Variants in INSYN2B observed in about 807,000 individuals in gnomAD.
The protein encoded by INSYN2B is inhibitory synaptic factor family member 2B, also known as protein INSYN2B.
A neutral mutation model predicts 41.2 loss-of-function variants in INSYN2B; 16 were observed. That is an observed-to-expected ratio of 0.39 (90% CI 0.26 to 0.59). The LOEUF is 0.59. Among genes scored for constraint, INSYN2B ranks in the 20% least tolerant of loss-of-function variants. The pLI is 0.57. For synonymous variants in INSYN2B, 245 were observed against 244.4 expected (o/e 1.00, Z -0.02); for missense variants, 608 against 646.4 (o/e 0.94, Z 0.64).
chr5:169,914,487 T>C (rs1774770820), intron 1 of INSYN2B, among the ~76,000 whole-genome samples: 1 of 152,210 alleles, frequency 6.6e-6, no homozygotes, highest in Admixed American at 6.5e-5. Context: ...GGATTGATTA[T>C]TGGAGAACTC....
Position 169,881,443 on chromosome 5 carries a change from C to G in INSYN2B, c.1347-1G>C. 1 of 1,551,362 alleles carries G rather than the reference C, an allele frequency of 6.4e-7. No homozygotes were observed. Among genetic ancestry groups the G allele is most frequent in the Non-Finnish European group, 8.7e-7 (1 of 1,146,756 alleles). ...TTGGCCAGTTCGATAAAAGTTGCGC[C>G]TGCAAGACAGAGCATTTGCTGGATA... is the stretch of plus-strand genomic sequence containing the variant. On this transcript the variant is annotated splice_acceptor_variant, in intron 2 of 3. Transcript: ENST00000377365. LOFTEE classifies it high-confidence loss of function.
chr5:169,893,629 T>G (rs1773423186), intron 1 of INSYN2B, among the ~76,000 whole-genome samples: 1 of 152,176 alleles, frequency 6.6e-6, no homozygotes, highest in South Asian at 2.1e-4. Flanking sequence ...GCTCTGTGTG[T>G]CAGATGGAAG....
At chr5:169,924,783 A>G (rs146578770) in intron 1 of INSYN2B, among the ~76,000 whole-genome samples, 2,333 of 152,190 alleles carry the variant, frequency 0.015, 56 homozygotes, top group African/African-American at 0.053. Context: ...TTTTTCATCA[A>G]TCTGAAGTAT....
intron 1 of INSYN2B, among the ~76,000 whole-genome samples, chr5:169,920,243 T>C (rs1775099777): frequency 6.6e-6 from 1 of 152,134 alleles, no homozygotes; most frequent in Admixed American, 6.5e-5. Context: ...ACCATAATAA[T>C]GATTATGCAG....
Position 169,864,472 on chromosome 5 carries a change from G to T in INSYN2B, c.1422-13C>A. ...ATCATACTCTACACTGAAAAACACA[G>T]AGAGGAAGGAAGGAAAGTGAATTCG... On this transcript the variant is annotated splice_polypyrimidine_tract_variant and intron_variant, in intron 3 of 3. Coordinates refer to ENST00000377365, the MANE Select transcript of INSYN2B (RefSeq NM_001129891.3). The T allele has an allele frequency of 1.3e-6, 2 of 1,510,218 alleles. No individual in the cohort carries two copies. Among genetic ancestry groups the T allele is most frequent in the Middle Eastern group, 1.7e-4 (1 of 5,760 alleles). 93.6% of individuals were successfully genotyped at this position (1,510,218 alleles called of 1,614,324 possible). A position where few individuals can be genotyped will look rare whatever the true frequency, so the allele number is the denominator to read the frequency against.
At chr5:169,910,230 C>G (rs1774517652) in intron 1 of INSYN2B, among the ~76,000 whole-genome samples, 1 of 152,132 alleles carries the variant, frequency 6.6e-6, no homozygotes, top group South Asian at 2.1e-4. Flanking sequence ...ATCAGACAGG[C>G]CTTTCATGTT....
At chr5:169,948,674 T>C (rs1776542086) in intron 1 of INSYN2B, among the ~76,000 whole-genome samples, 2 of 151,024 alleles carry the variant, frequency 1.3e-5, no homozygotes, top group Non-Finnish European at 3.0e-5. Context: ...AGTGCAGTGG[T>C]GTGATTATGG....
At chr5:169,932,354 T>G (rs1268213547) in intron 1 of INSYN2B, among the ~76,000 whole-genome samples, 2 of 152,034 alleles carry the variant, frequency 1.3e-5, no homozygotes, top group East Asian at 3.9e-4. Flanking sequence ...CTATACCCGC[T>G]GCAGAGTAGT....
At chr5:169,964,418 T>G in intron 1 of INSYN2B, among the ~76,000 whole-genome samples, 1 of 152,140 alleles carries the variant, frequency 6.6e-6, no homozygotes, top group South Asian at 2.1e-4. Flanking sequence ...GCAAGTAAAA[T>G]GTTCAAGCAG....
intron 1 of INSYN2B, among the ~76,000 whole-genome samples, chr5:169,979,425 A>G (rs1777860224): frequency 6.6e-6 from 1 of 152,246 alleles, no homozygotes; most frequent in Non-Finnish European, 1.5e-5. Flanking sequence ...AGAGACACAC[A>G]TCAGAGAAGC....
At chr5:169,920,600 G>A (rs1050425978) in intron 1 of INSYN2B, among the ~76,000 whole-genome samples, 23 of 152,208 alleles carry the variant, frequency 1.5e-4, no homozygotes, top group African/African-American at 5.3e-4. Context: ...AAGAGGGCAT[G>A]GCTGTAACTC....
intron 1 of INSYN2B, among the ~76,000 whole-genome samples, chr5:169,940,530 T>C (rs560704523): frequency 6.6e-6 from 1 of 152,306 alleles, no homozygotes; most frequent in Admixed American, 6.5e-5. Flanking sequence ...CTCACCTTAA[T>C]GTAGAATCAA....
intron 1 of INSYN2B, among the ~76,000 whole-genome samples, chr5:169,909,654 A>C (rs1774484875): frequency 1.3e-5 from 2 of 152,234 alleles, no homozygotes; most frequent in African/African-American, 4.8e-5. Context: ...ATTCAAACTC[A>C]AATCTGCCCT....
chr5:169,908,781 G>A (rs1426021784), intron 1 of INSYN2B, among the ~76,000 whole-genome samples: 1 of 137,786 alleles, frequency 7.3e-6, no homozygotes, highest in East Asian at 2.1e-4. Context: ...GTGGTGTGAT[G>A]TCAGCTCACT....
At chr5:169,922,509 A>C (rs1453564476) in intron 1 of INSYN2B, among the ~76,000 whole-genome samples, 1 of 152,230 alleles carries the variant, frequency 6.6e-6, no homozygotes, top group African/African-American at 2.4e-5. Context: ...ATCTAAGTAA[A>C]GTAGATCTTG....
chr5:169,867,391 C>T (rs1024874958), intron 3 of INSYN2B, among the ~76,000 whole-genome samples: 3 of 151,832 alleles, frequency 2.0e-5, no homozygotes, highest in African/African-American at 7.3e-5. Context: ...GAGCCAGGAA[C>T]CATGGGTGAA....
chr5:169,973,752 A>G (rs980528848), intron 1 of INSYN2B, among the ~76,000 whole-genome samples: 2 of 152,222 alleles, frequency 1.3e-5, no homozygotes, highest in Non-Finnish European at 1.5e-5. Flanking sequence ...GTCCTCAGCC[A>G]TAGAGAATAG....
intron 1 of INSYN2B, among the ~76,000 whole-genome samples, chr5:169,932,404 G>A (rs1775798181): frequency 6.6e-6 from 1 of 152,172 alleles, no homozygotes; most frequent in Non-Finnish European, 1.5e-5. Context: ...GTGACATGAA[G>A]TAGGGAGAGA....
intron 1 of INSYN2B, among the ~76,000 whole-genome samples, chr5:169,904,004 A>G (rs574848748): frequency 1.3e-5 from 2 of 149,686 alleles, no homozygotes; most frequent in East Asian, 4.0e-4. Flanking sequence ...GAGGCATGAG[A>G]ATTGCTTGAG....
Sources: gnomAD v4.1 joint callset for allele counts (sites outside exome capture counted in the v4.1 genomes callset) on GRCh38, gnomAD v4.1.1 for gene constraint, MANE v1.5 for transcripts, NCBI Gene and HGNC (gene_info 2026-07-23, HGNC 2026-07-21) for gene names.